The following PTPRT variants were observed in gnomAD, a reference collection of about 807,000 sequenced individuals.
PTPRT encodes protein tyrosine phosphatase receptor type T, also known as receptor-type tyrosine-protein phosphatase T.
Under a neutral mutation model 176.8 loss-of-function variants are expected in PTPRT, and 56 were observed. The observed-to-expected ratio is 0.32, with a 90% CI of 0.26 to 0.40. PTPRT has a LOEUF of 0.40. Among genes scored for constraint, PTPRT ranks in the 10% least tolerant of loss-of-function variants. The pLI is 1.00. For synonymous variants in PTPRT, 783 were observed against 739.0 expected, an observed-to-expected ratio of 1.06 and a Z score of -0.96; for missense variants, 1,540 against 1,908.2, an observed-to-expected ratio of 0.81 and a Z score of 3.60.
rs149670611 is a variant in PTPRT, at chr20:43,052,204, T to C, written c.88+137442A>G. Among the ~76,000 whole-genome samples, 463 of 152,340 alleles carry C rather than the reference T, an allele frequency of 3.0e-3. 2 individuals are homozygous for C. Among genetic ancestry groups the C allele is most frequent in the African/African-American group, 0.01 (432 of 41,580 alleles). ...CATGAGGTAAAAGCGATTGCCTTTA[T>C]AGTGGTAGACTTGGCAGGAAACACA... On this transcript the variant is annotated intron_variant, in intron 1 of 30. Coordinates refer to ENST00000373187, the MANE Select transcript of PTPRT (RefSeq NM_007050.6).
intron 2 of PTPRT, among the ~76,000 whole-genome samples, chr20:42,835,249 C>T (rs755032856): frequency 5.9e-5 from 9 of 152,122 alleles, no homozygotes; most frequent in Non-Finnish European, 1.3e-4. Flanking sequence ...GAGATTAACA[C>T]TTTTGAGGGG....
chr20:43,046,624 G>A (rs1038047646), intron 1 of PTPRT, among the ~76,000 whole-genome samples: 4 of 152,010 alleles, frequency 2.6e-5, no homozygotes, highest in Admixed American at 1.3e-4. Context: ...GGGCTGTGGT[G>A]GGGGCATGCA....
chr20:42,382,705 G>C (rs1414520742), intron 9 of PTPRT, among the ~76,000 whole-genome samples: 1 of 152,118 alleles, frequency 6.6e-6, no homozygotes, highest in African/African-American at 2.4e-5. Context: ...GGGGTATGGT[G>C]GGGGGTGTAA....
At chr20:42,487,407 AG>A (rs1264059137) in intron 7 of PTPRT, among the ~76,000 whole-genome samples, 1 of 152,188 alleles carries the variant, frequency 6.6e-6, no homozygotes, top group African/African-American at 2.4e-5. Context: ...ACTCTACAGT[AG>A]GCAAAAATAT....
At chr20:42,239,032 A>C (rs536823376) in intron 14 of PTPRT, among the ~76,000 whole-genome samples, 2 of 152,222 alleles carry the variant, frequency 1.3e-5, no homozygotes, top group Admixed American at 6.5e-5. Context: ...CATTAATCTA[A>C]ATTGATATTA....
chr20:42,540,856 G>A (rs1415505355), intron 7 of PTPRT, among the ~76,000 whole-genome samples: 8 of 152,116 alleles, frequency 5.3e-5, no homozygotes, highest in African/African-American at 1.7e-4. Context: ...TAACTTCATC[G>A]GGAGGATGGG....
At chr20:42,547,168 G>A (rs1568967677) in intron 7 of PTPRT, among the ~76,000 whole-genome samples, 1 of 152,088 alleles carries the variant, frequency 6.6e-6, no homozygotes, top group Non-Finnish European at 1.5e-5. Context: ...TTGAGCCTCA[G>A]AACTCTAACA....
intron 11 of PTPRT, among the ~76,000 whole-genome samples, chr20:42,336,549 T>C (rs1260004358): frequency 1.3e-5 from 2 of 152,210 alleles, no homozygotes; most frequent in Non-Finnish European, 2.9e-5. Context: ...TGTATATGAA[T>C]TGGCTGTCAG....
At chr20:42,645,827 A>AGT (rs1262690407) in intron 7 of PTPRT, among the ~76,000 whole-genome samples, 6 of 151,168 alleles carry the variant, frequency 4.0e-5, no homozygotes, top group African/African-American at 1.5e-4. Context: ...AGAGAGAGAG[A>AGT]GGCAGAATAA....
chr20:42,307,094 A>G (rs1302323064), intron 12 of PTPRT, among the ~76,000 whole-genome samples: 1 of 152,164 alleles, frequency 6.6e-6, no homozygotes, highest in Non-Finnish European at 1.5e-5. Context: ...CATCATGGAA[A>G]ATTGTGGTAG....
intron 1 of PTPRT, among the ~76,000 whole-genome samples, chr20:43,182,515 C>G (rs1437542785): frequency 6.6e-6 from 1 of 152,008 alleles, no homozygotes; most frequent in Non-Finnish European, 1.5e-5. Flanking sequence ...CTCAGCCACC[C>G]AAGTAGCTGG....
intron 2 of PTPRT, among the ~76,000 whole-genome samples, chr20:42,795,428 T>G (rs1016631098): frequency 3.3e-5 from 5 of 152,246 alleles, no homozygotes; most frequent in Non-Finnish European, 5.9e-5. Flanking sequence ...TGGTGGCTAT[T>G]GTGTTTACAC....
chr20:42,612,376 AC>A (rs1313552816), intron 7 of PTPRT, among the ~76,000 whole-genome samples: 2 of 151,632 alleles, frequency 1.3e-5, no homozygotes, highest in Non-Finnish European at 2.9e-5. Flanking sequence ...GGGGAGAAAC[AC>A]CCCCCACCCC....
chr20:42,218,220 G>A (rs1019838052), intron 15 of PTPRT, among the ~76,000 whole-genome samples: 12 of 152,142 alleles, frequency 7.9e-5, no homozygotes, highest in Admixed American at 5.2e-4. Context: ...ACCATGTAAC[G>A]ACATGGAAAA....
chr20:42,329,454 A>C (rs1368507678), intron 11 of PTPRT, among the ~76,000 whole-genome samples: 6 of 151,370 alleles, frequency 4.0e-5, no homozygotes, highest in Non-Finnish European at 4.4e-5. Context: ...ATGGAACAGT[A>C]TAAACCAAGA....
intron 2 of PTPRT, among the ~76,000 whole-genome samples, chr20:42,881,724 C>CA (rs112191705): frequency 0.052 from 1,894 of 36,280 alleles, 101 homozygotes; most frequent in Non-Finnish European, 0.065. Flanking sequence ...CACTCTGTCT[C>CA]AAAAAAAAAA....
At chr20:42,600,385 C>T (rs2073757263) in intron 7 of PTPRT, among the ~76,000 whole-genome samples, 1 of 152,204 alleles carries the variant, frequency 6.6e-6, no homozygotes, top group African/African-American at 2.4e-5. Context: ...AGTGATCTGC[C>T]TGCATTGGCC....
At chr20:42,060,794 C>T in the PTPRT span, among the ~76,000 whole-genome samples, 1 of 152,166 alleles carries the variant, frequency 6.6e-6, no homozygotes, top group African/African-American at 2.4e-5. Flanking sequence ...ACTCTGTAAC[C>T]CTACCCTGTT....
At chr20:42,082,087 C>T (rs1238772153) in intron 29 of PTPRT, 70 bp from the exon 30 acceptor site, 2 of 1,604,766 alleles carry the variant, frequency 1.2e-6, no homozygotes, top group Non-Finnish European at 1.7e-6. Flanking sequence ...TCTAAAGCTA[C>T]ATCAGTAGGA....
Sources: gnomAD v4.1 joint callset for allele counts (sites outside exome capture counted in the v4.1 genomes callset) on GRCh38, gnomAD v4.1.1 for gene constraint, MANE v1.5 for transcripts, NCBI Gene and HGNC (gene_info 2026-07-23, HGNC 2026-07-21) for gene names.